SORT1: variants seen among roughly 807,000 people sequenced by gnomAD.
The protein encoded by SORT1 is sortilin 1, also known as sortilin.
Under a neutral mutation model 101.7 loss-of-function variants are expected in SORT1, and 39 were observed. The observed-to-expected ratio is 0.38, with a 90% CI of 0.30 to 0.50. The LOEUF is 0.50. Ranked by LOEUF, SORT1 falls within the 20% of genes least tolerant of loss-of-function variation. The pLI is 0.90. For synonymous variants in SORT1, 396 were observed against 393.7 expected (o/e 1.01, Z -0.07); for missense variants, 878 against 1,040.4 (o/e 0.84, Z 2.15).
intron 10 of SORT1, among the ~76,000 whole-genome samples, chr1:109,337,562 A>C (rs1472548005): frequency 3.3e-5 from 5 of 152,110 alleles, no homozygotes; most frequent in Admixed American, 6.6e-5. Context: ...TTTTCTAAGA[A>C]AAAGCAAACA....
At chr1:109,314,152 T>C in intron 19 of SORT1, 95 bp from the exon 20 acceptor site, 1 of 1,596,954 alleles carries the variant, frequency 6.3e-7, no homozygotes. Context: ...CTTATGGTCA[T>C]TAAGTCGCCT....
At chr1:109,336,926 A>G (rs951136007) in intron 10 of SORT1, among the ~76,000 whole-genome samples, 1 of 152,064 alleles carries the variant, frequency 6.6e-6, no homozygotes, top group Non-Finnish European at 1.5e-5. Flanking sequence ...TTAACTCCTT[A>G]CCAACATGAA....
At chr1:109,326,470 C>CAT (rs1557784445) in intron 13 of SORT1, among the ~76,000 whole-genome samples, 35 of 42,858 alleles carry the variant, frequency 8.2e-4, no homozygotes, top group Non-Finnish European at 1.6e-3. Context: ...TATATACATA[C>CAT]ACACACACAC....
At chr1:109,338,512 A>G (rs1648994878) in intron 10 of SORT1, among the ~76,000 whole-genome samples, 1 of 152,292 alleles carries the variant, frequency 6.6e-6, no homozygotes, top group South Asian at 2.1e-4. Context: ...AACTGGGCCT[A>G]AGGAAAGGTG....
At chr1:109,328,567 T>A (rs914881357) in intron 11 of SORT1, among the ~76,000 whole-genome samples, 28 of 152,236 alleles carry the variant, frequency 1.8e-4, no homozygotes, top group African/African-American at 6.5e-4. Context: ...TATTTTTTAT[T>A]CAGGCTATTT....
Position 109,313,264 on chromosome 1 carries a change from T to A in SORT1, c.*779A>T, listed in dbSNP as rs1658829648. ...GAAAAATCTCAGAAGAAGCAAGAGT[T>A]CTCTTTTAATAGGTGCTATATCTAG... is the stretch of plus-strand genomic sequence containing the variant. On this transcript the variant is annotated 3_prime_UTR_variant, in exon 20 of 20. Coordinates refer to ENST00000256637, the MANE Select transcript of SORT1 (RefSeq NM_002959.7). 6.6e-6 allele frequency: 1 copy of A among 152,638 alleles called. No individual in the cohort carries two copies. Among genetic ancestry groups the A allele is most frequent in the Non-Finnish European group, 1.5e-5 (1 of 68,060 alleles). 9.5% of individuals were successfully genotyped at this position (152,638 alleles called of 1,614,324 possible). A position where few individuals can be genotyped will look rare whatever the true frequency, so the allele number is the denominator to read the frequency against.
chr1:109,352,509 G>A (rs954254004), intron 5 of SORT1, among the ~76,000 whole-genome samples: 2 of 152,172 alleles, frequency 1.3e-5, no homozygotes, highest in African/African-American at 4.8e-5. Flanking sequence ...ACTGAGCTCC[G>A]CCTCAGTGGA....
intron 19 of SORT1, 40 bp downstream of exon 19, chr1:109,314,221 G>GC (rs368753097): frequency 2.7e-6 from 1 of 366,648 alleles, no homozygotes; most frequent in Admixed American, 7.6e-5. Context: ...TGTATTTTTT[G>GC]GGGGGGGGGG....
At position 109,355,647 on chromosome 1, in the gene SORT1, C is replaced by A. The variant is rs12030746; in HGVS notation, c.441-178G>T. On this transcript the variant is annotated intron_variant, in intron 3 of 19. Transcript: ENST00000256637. ...TGAGTCCGAAGAACATTCCACCCGC[C>A]CCCCCCCCCACAAACCCACTCACCA... Among the ~76,000 whole-genome samples the A allele has an allele frequency of 1.1e-4, 6 of 55,176 alleles. No homozygotes were observed. The East Asian group carries it at 2.8e-3, about 26-fold the overall frequency. The allele number at this position is 55,176 out of a possible 152,430, so 36.2% of individuals were successfully genotyped here. A position where few individuals can be genotyped will look rare whatever the true frequency, so the allele number is the denominator to read the frequency against.
At chr1:109,393,201 AACACGGCCTCTCT>A (rs1273548897) in intron 1 of SORT1, 1 of 985,310 alleles carries the variant, frequency 1.0e-6, no homozygotes, top group East Asian at 1.1e-4. Context: ...CACCCCATAC[AACACGGCCTCTCT>A]ACAGGGCCTG....
At chr1:109,391,796 C>T (rs1652929450) in intron 1 of SORT1, among the ~76,000 whole-genome samples, 1 of 152,222 alleles carries the variant, frequency 6.6e-6, no homozygotes, top group Non-Finnish European at 1.5e-5. Flanking sequence ...GCTTGTTCTT[C>T]AAGCCCCATT....
chr1:109,345,737 A>T lies in SORT1; in HGVS notation c.963+14T>A. ...AGAAATATCAGACCCCAAAGGGGAGAGGGCAATACCTACCTTATCAGCCAT... is the reference window on the plus strand; with the variant it reads ...AGAAATATCAGACCCCAAAGGGGAGTGGGCAATACCTACCTTATCAGCCAT... On this transcript the variant is annotated intron_variant, in intron 8 of 19. Coordinates refer to ENST00000256637, the MANE Select transcript of SORT1 (RefSeq NM_002959.7). 6.2e-7 allele frequency: 1 copy of T among 1,601,838 alleles called. No homozygotes were observed. The highest frequency in any genetic ancestry group is 8.5e-7 in the Non-Finnish European group (1 of 1,175,786).
chr1:109,336,329 T>C lies in SORT1; in HGVS notation c.1282A>G (p.Met428Val). ...CTTCCTCCTTGGTCAAAAGTGATCA[T>C]GGTCTGGATAGAATTATCTGAATGG... ...VLSEDNSIQT[M>V]ITFDQGGRWT... is the part of the protein sequence containing the mutation. Residue 428 changes from methionine to valine, a missense_variant, in exon 11 of 20, where the codon ATG becomes GTG. Transcript: ENST00000256637. 6.2e-7 allele frequency: 1 copy of C among 1,608,274 alleles called. No homozygotes were observed.
intron 13 of SORT1, among the ~76,000 whole-genome samples, chr1:109,326,382 A>G (rs1232074676): frequency 7.0e-5 from 10 of 142,100 alleles, no homozygotes; most frequent in Admixed American, 2.1e-4. Context: ...GTCATTTTCA[A>G]TCTAGAGTGC....
chr1:109,348,553 A>C (rs1351492166), intron 6 of SORT1, among the ~76,000 whole-genome samples: 2 of 152,164 alleles, frequency 1.3e-5, no homozygotes, highest in East Asian at 3.8e-4. Flanking sequence ...CAGTGGTGCA[A>C]TCACAGCTCA....
In SORT1 at chr1:109,369,278, T is replaced by C. The variant is rs375040736; in HGVS notation, c.366+252A>G. On this transcript the variant is annotated intron_variant, in intron 2 of 19. Coordinates refer to ENST00000256637, the MANE Select transcript of SORT1 (RefSeq NM_002959.7). ...TGGAGGTTGCAGTGAGCTGAGATCA[T>C]GCCATCGCACTCCAACTTGGGCAAC... Among the ~76,000 whole-genome samples, 155 of 152,224 alleles carry C rather than the reference T, an allele frequency of 1.0e-3. 4 individuals are homozygous for C. In the South Asian group the frequency reaches 0.029, roughly 29 times the overall value.
At chr1:109,382,182 C>T (rs1184220661) in intron 1 of SORT1, among the ~76,000 whole-genome samples, 1 of 152,152 alleles carries the variant, frequency 6.6e-6, no homozygotes, top group East Asian at 1.9e-4. Context: ...GTTGCCCAGG[C>T]TGGAGTGCAA....
intron 10 of SORT1, among the ~76,000 whole-genome samples, chr1:109,336,851 C>T (rs962957001): frequency 6.6e-6 from 1 of 151,972 alleles, no homozygotes; most frequent in African/African-American, 2.4e-5. Context: ...AGGTGTCCCA[C>T]CTGAACAGGA....
chr1:109,383,996 G>A (rs990704212), intron 1 of SORT1, among the ~76,000 whole-genome samples: 9 of 152,132 alleles, frequency 5.9e-5, no homozygotes, highest in Admixed American at 2.0e-4. Flanking sequence ...ACCGAAGTGC[G>A]GGGGCTAGAA....
Sources: allele counts gnomAD v4.1 joint callset (sites outside exome capture counted in the v4.1 genomes callset), GRCh38; gene constraint gnomAD v4.1.1; transcripts MANE v1.5; gene names NCBI Gene and HGNC (gene_info 2026-07-23, HGNC 2026-07-21).